CTNNA1: variants seen among roughly 807,000 people sequenced by gnomAD.
The protein encoded by CTNNA1 is catenin alpha-1.
CTNNA1 carries 37 observed loss-of-function variants against 98.4 expected under a neutral mutation model. The observed-to-expected ratio is 0.38, with a 90% CI of 0.29 to 0.49. CTNNA1 has a LOEUF of 0.49. Among genes scored for constraint, CTNNA1 ranks in the 20% least tolerant of loss-of-function variants. CTNNA1 has a pLI of 0.95. For missense variants in CTNNA1, 761 were observed against 1,147.2 expected (o/e 0.66, Z 4.86); for synonymous variants, 404 against 413.2 (o/e 0.98, Z 0.27).
intron 9 of CTNNA1, among the ~76,000 whole-genome samples, chr5:138,896,157 G>T (rs1756754360): frequency 6.6e-6 from 1 of 152,222 alleles, no homozygotes; most frequent in African/African-American, 2.4e-5. Context: ...TTTATCGACA[G>T]AAGTAAATTC....
In CTNNA1 at chr5:138,930,822, C is replaced by A; in HGVS notation, c.2193-8C>A. 6.3e-7 allele frequency: 1 copy of A among 1,589,420 alleles called. No homozygotes were observed. The highest frequency in any genetic ancestry group is 8.6e-7 in the Non-Finnish European group (1 of 1,157,538). ...TACAATAATCCTTGTTCTCTTCCCT[C>A]TTCTCAGAGGTAAAGGACCACTCAA... is the stretch of plus-strand genomic sequence containing the variant. On this transcript the variant is annotated splice_region_variant and splice_polypyrimidine_tract_variant and intron_variant, in intron 15 of 17. Coordinates refer to ENST00000302763, the MANE Select transcript of CTNNA1 (RefSeq NM_001903.5).
chr5:138,880,734 G>T (rs145446934), intron 7 of CTNNA1: 1 of 270,968 alleles, frequency 3.7e-6, no homozygotes, highest in Non-Finnish European at 7.3e-6. Context: ...GAATTAAGAG[G>T]TAAGATACCC....
rs1430502857 is a variant in CTNNA1 at position 138,874,824 on chromosome 5, C to T, written c.1063-11388C>T. The stretch of plus-strand genomic sequence containing the variant: ...AAATCCAAAATATGATGGTGATTTC[C>T]CTCATAAAATGTGAATTCGGTAGCT... On this transcript the variant is annotated intron_variant, in intron 7 of 17. Coordinates refer to ENST00000302763, the MANE Select transcript of CTNNA1 (RefSeq NM_001903.5). The surrounding 1 kb of genome is among the most constrained non-coding windows in gnomAD (Gnocchi z 4.1). 2 of 1,313,206 alleles carry T rather than the reference C, an allele frequency of 1.5e-6. No individual in the cohort carries two copies. The highest frequency in any genetic ancestry group is 2.5e-5 in the South Asian group (2 of 80,080). 81.3% of individuals were successfully genotyped at this position (1,313,206 alleles called of 1,614,324 possible).
chr5:138,829,316 C>G (rs1343603218), intron 7 of CTNNA1, among the ~76,000 whole-genome samples: 1 of 152,122 alleles, frequency 6.6e-6, no homozygotes, highest in Non-Finnish European at 1.5e-5. Flanking sequence ...CACAATGTTG[C>G]AGTCTTAAAC....
chr5:138,810,353 A>C, intron 4 of CTNNA1, 149 bp downstream of exon 4: 1 of 782,646 alleles, frequency 1.3e-6, no homozygotes. Context: ...ATTTCCACTT[A>C]CTCCTCTATT....
intron 5 of CTNNA1, among the ~76,000 whole-genome samples, chr5:138,822,281 C>G (rs1760122451): frequency 6.6e-6 from 1 of 152,122 alleles, no homozygotes; most frequent in East Asian, 1.9e-4. Flanking sequence ...GAATATTTAG[C>G]CTAATGTAGT....
chr5:138,816,918 C>T (rs960563636), intron 5 of CTNNA1, among the ~76,000 whole-genome samples: 29 of 152,146 alleles, frequency 1.9e-4, no homozygotes, highest in Admixed American at 1.2e-3. Context: ...AGGCTGGTCT[C>T]GAACTCCTGG....
In CTNNA1 at chr5:138,801,288, T is replaced by G. The variant is rs143378152; in HGVS notation, c.302-8750T>G. 1.2e-4 allele frequency among the ~76,000 whole-genome samples: 19 copies of G among 152,310 alleles called. No individual in the cohort carries two copies. The East Asian group carries it at 3.5e-3, about 28-fold the overall frequency. On this transcript the variant is annotated intron_variant, in intron 3 of 17. Coordinates refer to ENST00000302763, the MANE Select transcript of CTNNA1 (RefSeq NM_001903.5). ...ACGGCCTGTGTTTGTGTGCATAAGT[T>G]TTGATTGGTTAACTTTCTGTGATAG... is the stretch of plus-strand genomic sequence containing the variant.
At chr5:138,856,776 C>G (rs574851516) in intron 7 of CTNNA1, among the ~76,000 whole-genome samples, 16 of 152,214 alleles carry the variant, frequency 1.1e-4, no homozygotes, top group Non-Finnish European at 2.1e-4. Flanking sequence ...GAGTGTTTCC[C>G]TCTACTACAA....
At chr5:138,912,498 A>G (rs1348903892) in intron 10 of CTNNA1, among the ~76,000 whole-genome samples, 1 of 152,224 alleles carries the variant, frequency 6.6e-6, no homozygotes, top group African/African-American at 2.4e-5. Flanking sequence ...CAAACTAGGA[A>G]AAGGAGGGAA....
At position 138,892,328 on chromosome 5, in the gene CTNNA1, G is replaced by GTTTTTTTT. The variant is rs70982738; in HGVS notation, c.1296+4708_1296+4715dup. On this transcript the variant is annotated intron_variant, in intron 9 of 17. Coordinates refer to ENST00000302763, the MANE Select transcript of CTNNA1 (RefSeq NM_001903.5). ...TGGAAAAAGAATATAAAATAGCTTA[G>GTTTTTTTT]TTTTTTTTTTTTTTTTTTTTTTTTT... Among the ~76,000 whole-genome samples, 44 of 79,250 alleles carry GTTTTTTTT rather than the reference G, an allele frequency of 5.6e-4. 8 individuals carry two copies. Among genetic ancestry groups the GTTTTTTTT allele is most frequent in the East Asian group, 2.6e-3 (4 of 1,554 alleles). 52.0% of individuals were successfully genotyped at this position (79,250 alleles called of 152,430 possible). A position where few individuals can be genotyped will look rare whatever the true frequency, so the allele number is the denominator to read the frequency against.
At chr5:138,886,051 A>G (rs1414585865) in intron 7 of CTNNA1, among the ~76,000 whole-genome samples, 161 bp from the exon 8 acceptor site, 3 of 152,164 alleles carry the variant, frequency 2.0e-5, no homozygotes, top group African/African-American at 7.2e-5. Flanking sequence ...GTTTTTATGA[A>G]TAAAGCCACA....
At chr5:138,828,674 G>C (rs189518883) in intron 7 of CTNNA1, among the ~76,000 whole-genome samples, 1 of 152,002 alleles carries the variant, frequency 6.6e-6, no homozygotes, top group Admixed American at 6.6e-5. Context: ...TCATTTGTTC[G>C]TTTGCCATAC....
At chr5:138,924,416 A>T in intron 11 of CTNNA1, 94 bp from the exon 12 acceptor site, 1 of 1,280,898 alleles carries the variant, frequency 7.8e-7, no homozygotes, top group Non-Finnish European at 1.1e-6. Flanking sequence ...TGTGGCTGGC[A>T]CCAAGCAAAC....
intron 7 of CTNNA1, among the ~76,000 whole-genome samples, chr5:138,835,416 GT>G (rs762350118): frequency 4.5e-4 from 68 of 152,162 alleles, no homozygotes; most frequent in Non-Finnish European, 8.2e-4. Context: ...GAACTCTTGA[GT>G]TTTCTGCAAG....
chr5:138,875,130 T>C (rs914476441), intron 7 of CTNNA1: 2 of 490,080 alleles, frequency 4.1e-6, no homozygotes, highest in Middle Eastern at 2.9e-4. Context: ...CTCTGATCCC[T>C]AAATCAGTTT....
chr5:138,875,246 T>G (rs1185188377), intron 7 of CTNNA1: 2 of 334,698 alleles, frequency 6.0e-6, no homozygotes, highest in Non-Finnish European at 9.7e-6. Context: ...AACTTGTTGA[T>G]GGCAGATGGG....
In CTNNA1 at chr5:138,778,846, T is replaced by G. The variant is rs367695888; in HGVS notation, c.-2-3077T>G. On this transcript the variant is annotated intron_variant, in intron 1 of 17. Transcript: ENST00000302763. ...CACTAAAGCTCTCTGAAGAAGGCAG[T>G]GGTTGGTAGTCTTTTATGAGGGATC... 2.6e-5 allele frequency among the ~76,000 whole-genome samples: 4 copies of G among 152,236 alleles called. No individual in the cohort carries two copies. The East Asian group carries it at 5.8e-4, about 22-fold the overall frequency.
chr5:138,841,935 C>T (rs1762307581), intron 7 of CTNNA1, among the ~76,000 whole-genome samples: 1 of 152,172 alleles, frequency 6.6e-6, no homozygotes, highest in South Asian at 2.1e-4. Context: ...ATTACTTCTC[C>T]TTGCTTTGAG....
Sources: allele counts gnomAD v4.1 joint callset (sites outside exome capture counted in the v4.1 genomes callset), GRCh38; gene constraint gnomAD v4.1.1; non-coding constraint Gnocchi (gnomAD v3.1); transcripts MANE v1.5; gene names NCBI Gene and HGNC (gene_info 2026-07-23, HGNC 2026-07-21).